CWC27: variants seen among roughly 807,000 people sequenced by gnomAD.
CWC27 encodes the protein spliceosome-associated protein CWC27 homolog.
In CWC27, 47 loss-of-function variants were observed where a neutral mutation model predicts 63.6. The observed-to-expected ratio is 0.74, with a 90% CI of 0.58 to 0.94. The LOEUF is 0.94. Ranked by LOEUF, CWC27 falls within the 40% of genes least tolerant of loss-of-function variation. CWC27 has a pLI of 0.00. For synonymous variants in CWC27, 175 were observed against 179.8 expected, an observed-to-expected ratio of 0.97 and a Z score of 0.22; for missense variants, 495 against 554.3, an observed-to-expected ratio of 0.89 and a Z score of 1.07.
intron 10 of CWC27, among the ~76,000 whole-genome samples, chr5:64,863,619 C>T (rs1054293791): frequency 2.0e-5 from 3 of 152,116 alleles, no homozygotes; most frequent in South Asian, 4.2e-4. Context: ...GTCAGCCTCC[C>T]GAGTAGCTAT....
intron 12 of CWC27, among the ~76,000 whole-genome samples, chr5:64,974,518 G>C (rs1045667243): frequency 6.6e-6 from 1 of 152,120 alleles, no homozygotes; most frequent in Non-Finnish European, 1.5e-5. Context: ...GCATGGTAAA[G>C]ACCAGCCCCC....
chr5:64,910,071 A>G (rs989879358), intron 11 of CWC27, among the ~76,000 whole-genome samples: 1 of 152,006 alleles, frequency 6.6e-6, no homozygotes, highest in African/African-American at 2.4e-5. Context: ...GGTTTTATCT[A>G]CCTTTGATCT....
intron 2 of CWC27, 129 bp from the exon 3 acceptor site, chr5:64,781,792 A>C: frequency 2.1e-6 from 1 of 469,418 alleles, no homozygotes; most frequent in Non-Finnish European, 3.8e-6. Flanking sequence ...GAGGATACAA[A>C]AGGTTTTGGC....
chr5:64,975,956 T>C (rs898929004), intron 12 of CWC27, among the ~76,000 whole-genome samples: 1 of 152,020 alleles, frequency 6.6e-6, no homozygotes, highest in African/African-American at 2.4e-5. Flanking sequence ...TGGTCCCAGC[T>C]ACTCAGGAGT....
chr5:64,942,038 GATAA>G (rs1251142582), intron 11 of CWC27, among the ~76,000 whole-genome samples: 2 of 152,050 alleles, frequency 1.3e-5, no homozygotes, highest in Non-Finnish European at 2.9e-5. Context: ...TACATGAGTA[GATAA>G]ATAATTTGTT....
rs553264677 is a variant in CWC27 at position 64,901,243 on chromosome 5, G to A, written c.1042+15697G>A. Among the ~76,000 whole-genome samples, 8 of 151,860 alleles carry A rather than the reference G, an allele frequency of 5.3e-5. No homozygotes were observed. The South Asian group carries it at 6.3e-4, about 12-fold the overall frequency. ...CATAGAAAAGGTACAGTAAAAATAC[G>A]GTATAAAAGAGATGGAGACCATCCT... On this transcript the variant is annotated intron_variant, in intron 11 of 13. Coordinates refer to ENST00000381070, the MANE Select transcript of CWC27 (RefSeq NM_005869.4).
At chr5:64,924,072 A>G (rs901279118) in intron 11 of CWC27, among the ~76,000 whole-genome samples, 3 of 152,070 alleles carry the variant, frequency 2.0e-5, no homozygotes, top group African/African-American at 7.2e-5. Context: ...TCTTCCTAAA[A>G]TACTGTAATT....
At chr5:64,800,619 A>G (rs1386368851) in intron 8 of CWC27, among the ~76,000 whole-genome samples, 1 of 152,206 alleles carries the variant, frequency 6.6e-6, no homozygotes, top group East Asian at 1.9e-4. Flanking sequence ...TGTAATGCTT[A>G]ATTCAAGGTT....
intron 10 of CWC27, among the ~76,000 whole-genome samples, chr5:64,867,949 C>G (rs570766144): frequency 6.8e-6 from 1 of 146,152 alleles, no homozygotes; most frequent in African/African-American, 2.6e-5. Context: ...GGGGGGGGGG[C>G]TGTTGTTGTT....
At chr5:64,804,137 AT>A in intron 9 of CWC27, 91 bp from the exon 10 acceptor site, 2 of 1,136,384 alleles carry the variant, frequency 1.8e-6, no homozygotes, top group Non-Finnish European at 2.4e-6. Context: ...CTAGTTTAGA[AT>A]GCAATAAGGA....
At chr5:64,957,996 A>G (rs1449165249) in intron 11 of CWC27, among the ~76,000 whole-genome samples, 3 of 152,200 alleles carry the variant, frequency 2.0e-5, no homozygotes, top group African/African-American at 7.2e-5. Context: ...TATTACCAAC[A>G]TAACTGCTAT....
chr5:64,861,947 T>C (rs1411209258), intron 10 of CWC27, among the ~76,000 whole-genome samples: 1 of 152,242 alleles, frequency 6.6e-6, no homozygotes, highest in African/African-American at 2.4e-5. Flanking sequence ...GTTACATAGA[T>C]ACATGTATTT....
In CWC27 at chr5:64,891,318, T is replaced by C. The variant is rs143426362; in HGVS notation, c.1042+5772T>C. Among the ~76,000 whole-genome samples, 317 of 152,250 alleles carry C rather than the reference T, an allele frequency of 2.1e-3. 1 individual carries two copies. The highest frequency in any genetic ancestry group is 7.5e-3 in the African/African-American group (310 of 41,556). On this transcript the variant is annotated intron_variant, in intron 11 of 13. Transcript: ENST00000381070. The stretch of plus-strand genomic sequence containing the variant: ...TCATTTCCTGAAAGTCCTGGAAAAA[T>C]AGAGCTTTATTCTGTAGCTAGGGCA...
chr5:64,940,681 T>C (rs1272103921), intron 11 of CWC27, among the ~76,000 whole-genome samples: 1 of 152,182 alleles, frequency 6.6e-6, no homozygotes, highest in East Asian at 1.9e-4. Context: ...TCCTTTGTTC[T>C]CCATTTATTT....
intron 11 of CWC27, among the ~76,000 whole-genome samples, chr5:64,953,227 T>G (rs187930915): frequency 7.8e-4 from 119 of 152,302 alleles, no homozygotes; most frequent in Non-Finnish European, 4.3e-4. Context: ...GTTGGCTTGC[T>G]TGTTTTTCTC....
intron 10 of CWC27, among the ~76,000 whole-genome samples, chr5:64,837,362 A>G (rs553488755): frequency 3.3e-5 from 5 of 152,234 alleles, no homozygotes; most frequent in Admixed American, 1.3e-4. Flanking sequence ...AAGCTCTTCA[A>G]TAGCCTGCAT....
At chr5:64,996,168 T>C (rs1195980540) in intron 13 of CWC27, among the ~76,000 whole-genome samples, 1 of 152,170 alleles carries the variant, frequency 6.6e-6, no homozygotes, top group African/African-American at 2.4e-5. Flanking sequence ...GCACAAAGAA[T>C]TGACAAAGTT....
intron 7 of CWC27, among the ~76,000 whole-genome samples, chr5:64,794,913 A>T (rs1294472354): frequency 1.3e-5 from 2 of 152,154 alleles, no homozygotes; most frequent in Non-Finnish European, 2.9e-5. Flanking sequence ...CAACAGGCCC[A>T]TTTTAAAAGT....
At chr5:64,946,854 A>G (rs1748600594) in intron 11 of CWC27, among the ~76,000 whole-genome samples, 1 of 152,028 alleles carries the variant, frequency 6.6e-6, no homozygotes. Flanking sequence ...AGGACTTAAC[A>G]TTTTTGTCAT....
Sources: gnomAD v4.1 joint callset for allele counts (sites outside exome capture counted in the v4.1 genomes callset) on GRCh38, gnomAD v4.1.1 for gene constraint, MANE v1.5 for transcripts, NCBI Gene and HGNC (gene_info 2026-07-23, HGNC 2026-07-21) for gene names.